ERICH1: variants seen among roughly 807,000 people sequenced by gnomAD.
ERICH1 encodes glutamate rich 1, also known as glutamate-rich protein 1.
In ERICH1, 56 loss-of-function variants were observed where a neutral mutation model predicts 39.6. The observed-to-expected ratio is 1.41, with a 90% CI of 1.14 to 1.77. ERICH1 has a LOEUF of 1.77. Ranked by LOEUF, ERICH1 falls within the 40% of genes most tolerant of loss-of-function variation. ERICH1 has a pLI of 0.00. For synonymous variants in ERICH1, 313 were observed against 223.6 expected (o/e 1.40, Z -3.57); for missense variants, 826 against 575.4 (o/e 1.44, Z -4.45).
chr8:630,346 C>CAG (rs1345806291), intron 3 of ERICH1, among the ~76,000 whole-genome samples: 2 of 139,402 alleles, frequency 1.4e-5, no homozygotes, highest in African/African-American at 2.7e-5. Flanking sequence ...CGTGAGCACC[C>CAG]ACATGGACAG....
chr8:704,289 A>C (rs1424393802), intron 2 of ERICH1, among the ~76,000 whole-genome samples: 1 of 152,196 alleles, frequency 6.6e-6, no homozygotes, highest in Non-Finnish European at 1.5e-5. Flanking sequence ...ACAGCAAAGG[A>C]AGCCCCCGGG....
chr8:672,794 G>A (rs1205614597), intron 4 of ERICH1, among the ~76,000 whole-genome samples: 1 of 152,240 alleles, frequency 6.6e-6, no homozygotes, highest in African/African-American at 2.4e-5. Context: ...TGCATGCTGA[G>A]AAATCGTGCA....
chr8:646,073 T>C lies in ERICH1; in HGVS notation c.976+22525A>G, dbSNP rs1363366252. Among the ~76,000 whole-genome samples the C allele has an allele frequency of 2.9e-5, 2 of 69,888 alleles. 1 individual carries two copies. 45.8% of individuals were successfully genotyped at this position (69,888 alleles called of 152,430 possible). ...TGTTTAATTAAAGCAGGAGCTGTTA[T>C]AATTCTTTCTCTGAAGGTTTGGCAT... On this transcript the variant is annotated intron_variant, in intron 3 of 3. Coordinates refer to the ERICH1 transcript ENST00000522706.
At chr8:660,668 CA>C (rs1051162070), downstream of ERICH1, among the ~76,000 whole-genome samples, 1 of 152,176 alleles carries the variant, frequency 6.6e-6, no homozygotes, top group African/African-American at 2.4e-5. Context: ...ATTTTTTTTA[CA>C]ATAAAAATTT....
At chr8:643,144 C>G (rs140930941) in intron 3 of ERICH1, among the ~76,000 whole-genome samples, 167 of 152,268 alleles carry the variant, frequency 1.1e-3, no homozygotes, top group Non-Finnish European at 1.6e-3. Context: ...CTGGAGTCTC[C>G]CGTCCACAGC....
intron 3 of ERICH1, among the ~76,000 whole-genome samples, chr8:623,962 A>G (rs941832693): frequency 6.6e-6 from 1 of 152,208 alleles, no homozygotes; most frequent in African/African-American, 2.4e-5. Context: ...AGAAGACAAC[A>G]TACAGAATGG....
chr8:700,214 C>CAGACCCGA (rs1811625363), intron 2 of ERICH1, among the ~76,000 whole-genome samples: 3 of 105,816 alleles, frequency 2.8e-5, no homozygotes, highest in South Asian at 3.6e-4. Context: ...CACAGGCGCA[C>CAGACCCGA]ACACCCGCAC....
At chr8:699,551 A>C (rs1472272289) in intron 2 of ERICH1, among the ~76,000 whole-genome samples, 1 of 152,076 alleles carries the variant, frequency 6.6e-6, no homozygotes, top group Non-Finnish European at 1.5e-5. Context: ...GACTCACAAA[A>C]GCAGGCGTTC....
At chr8:696,713 C>A (rs1324650439) in intron 2 of ERICH1, among the ~76,000 whole-genome samples, 2 of 62,326 alleles carry the variant, frequency 3.2e-5, no homozygotes, top group Non-Finnish European at 5.9e-5. Flanking sequence ...CACTCCTCTC[C>A]TTCCTCCCCA....
chr8:632,760 G>A (rs1196129123), intron 3 of ERICH1, among the ~76,000 whole-genome samples: 3 of 152,190 alleles, frequency 2.0e-5, no homozygotes, highest in Non-Finnish European at 2.9e-5. Context: ...CAGATCATCA[G>A]TGGGTAACAT....
Position 668,781 on chromosome 8 carries a change from C to A in ERICH1, c.1075G>T (p.Asp359Tyr), listed in dbSNP as rs765991975. Residue 359 changes from aspartate to tyrosine, a missense_variant, in exon 5 of 6, where the codon GAT becomes TAT. Physicochemically the swap from Asp to Tyr is radical, Grantham distance 160. Coordinates refer to ENST00000262109, the MANE Select transcript of ERICH1 (RefSeq NM_207332.3). ...TCTGCGAGGGCAGCTGAAGCTGCAT[C>A]TCTGGAGACACCTACATAAAGTCAG... ...EMYFYDGVSR[D>Y]AASAALADAA... 1 of 1,605,878 alleles carries A rather than the reference C, an allele frequency of 6.2e-7. No individual in the cohort carries two copies. The highest frequency in any genetic ancestry group is 1.1e-5 in the South Asian group (1 of 90,126).
chr8:652,540 C>T (rs1800106891), intron 3 of ERICH1, among the ~76,000 whole-genome samples: 1 of 152,170 alleles, frequency 6.6e-6, no homozygotes, highest in Non-Finnish European at 1.5e-5. Flanking sequence ...ATTATTAATC[C>T]CACCTCATTC....
chr8:640,048 C>T (rs1798815964), intron 3 of ERICH1, among the ~76,000 whole-genome samples: 1 of 152,138 alleles, frequency 6.6e-6, no homozygotes, highest in African/African-American at 2.4e-5. Flanking sequence ...TGGGGAGTGG[C>T]TCATTTTGTA....
downstream of ERICH1, among the ~76,000 whole-genome samples, chr8:660,575 C>G (rs1263642269): frequency 6.6e-6 from 1 of 152,258 alleles, no homozygotes; most frequent in African/African-American, 2.4e-5. Context: ...TGAATCCCCA[C>G]CCAAAGACAC....
chr8:696,228 G>C (rs1585398293), intron 2 of ERICH1, among the ~76,000 whole-genome samples: 1 of 54,982 alleles, frequency 1.8e-5, no homozygotes, highest in Non-Finnish European at 3.2e-5. Flanking sequence ...GCCTGTGCTG[G>C]CTCCTCTCAC....
At chr8:630,151 CGTG>C (rs1797903845) in intron 3 of ERICH1, among the ~76,000 whole-genome samples, 1 of 62,448 alleles carries the variant, frequency 1.6e-5, no homozygotes, top group East Asian at 6.6e-4. Flanking sequence ...CACACCCTCC[CGTG>C]ACCACCCACA....
intron 3 of ERICH1, among the ~76,000 whole-genome samples, chr8:627,739 C>T (rs142464771): frequency 1.4e-4 from 21 of 152,322 alleles, no homozygotes; most frequent in African/African-American, 3.1e-4. Context: ...CATGTTCAGC[C>T]GCAGGGGAGT....
intron 5 of ERICH1, chr8:666,619 C>G (rs1003729279): frequency 2.6e-5 from 4 of 152,462 alleles, no homozygotes; most frequent in African/African-American, 7.2e-5. Context: ...TGGTGGGCAT[C>G]TGTACTCACT....
intron 2 of ERICH1, among the ~76,000 whole-genome samples, chr8:697,330 C>G (rs1810553122): frequency 6.6e-6 from 1 of 152,164 alleles, no homozygotes; most frequent in African/African-American, 2.4e-5. Flanking sequence ...CTTCTCTGAA[C>G]AGCGATGGAG....
Sources: allele counts gnomAD v4.1 joint callset (sites outside exome capture counted in the v4.1 genomes callset), GRCh38; gene constraint gnomAD v4.1.1; transcripts MANE v1.5; gene names NCBI Gene and HGNC (gene_info 2026-07-23, HGNC 2026-07-21).